The following POR variants were observed in gnomAD, a reference collection of about 807,000 sequenced individuals.
The protein encoded by POR is NADPH--cytochrome P450 reductase.
Under a neutral mutation model 84.0 loss-of-function variants are expected in POR, and 56 were observed. The ratio of observed to expected loss-of-function variants is 0.67; its 90% CI spans 0.54 to 0.83. The LOEUF (loss-of-function observed/expected upper bound fraction) is 0.83, where lower values mean the gene tolerates loss of function less well. POR is among the 40% of genes least tolerant of loss of function. The pLI, the probability that POR is intolerant of heterozygous loss-of-function variation, is 0.00. For missense variants in POR, 938 were observed against 944.3 expected (o/e 0.99, Z 0.09); for synonymous variants, 414 against 400.5 (o/e 1.03, Z -0.40).
chr7:75,964,382 A>ACTGCCACCTCCGCCTCC (rs1360292657), intron 2 of POR, among the ~76,000 whole-genome samples: 1 of 151,880 alleles, frequency 6.6e-6, no homozygotes, highest in Non-Finnish European at 1.5e-5. Flanking sequence ...ATCTCGGCTC[A>ACTGCCACCTCCGCCTCC]CTGCCACCTC....
At chr7:75,967,590 C>A (rs1554555455) in intron 2 of POR, among the ~76,000 whole-genome samples, 1 of 151,776 alleles carries the variant, frequency 6.6e-6, no homozygotes, top group African/African-American at 2.4e-5. Context: ...GCCATAGCAA[C>A]CTGCAGGCTG....
At chr7:75,930,484 A>G (rs1447513222) in intron 1 of POR, among the ~76,000 whole-genome samples, 1 of 152,090 alleles carries the variant, frequency 6.6e-6, no homozygotes, top group Non-Finnish European at 1.5e-5. Flanking sequence ...CCTGTCTAAA[A>G]ATAAATAAAA....
rs182569018 is a variant in POR at position 75,933,273 on chromosome 7, A to G, written c.-5+18094A>G. ...TTAATTAACATATGCATTACCTCAC[A>G]CCTTTTTTTGTGGTGAGAACACTTA... On this transcript the variant is annotated intron_variant, in intron 1 of 15. Transcript: ENST00000461988. Among the ~76,000 whole-genome samples, 4 of 151,162 alleles carry G rather than the reference A, an allele frequency of 2.6e-5. No individual in the cohort carries two copies. In the Admixed American group the frequency reaches 2.7e-4, roughly 10 times the overall value.
At chr7:75,984,667 G>T in intron 10 of POR, 110 bp from the exon 11 acceptor site, 1 of 945,928 alleles carries the variant, frequency 1.1e-6, no homozygotes, top group South Asian at 1.4e-5. Flanking sequence ...GCACCAGCTG[G>T]GGCACCTGTT....
intron 2 of POR, among the ~76,000 whole-genome samples, chr7:75,963,212 C>T (rs1470586282): frequency 2.0e-5 from 3 of 152,116 alleles, no homozygotes; most frequent in African/African-American, 7.2e-5. Flanking sequence ...CTCCATCGAG[C>T]ATGAAAAGAG....
intron 1 of POR, among the ~76,000 whole-genome samples, chr7:75,920,809 C>T (rs1439390331): frequency 2.0e-5 from 3 of 152,056 alleles, no homozygotes; most frequent in African/African-American, 7.2e-5. Flanking sequence ...CATAGGTCAC[C>T]TGGGTTGAGT....
At chr7:75,936,086 C>CTTTTTTTTTTTT (rs869164954) in intron 1 of POR, among the ~76,000 whole-genome samples, 5 of 99,788 alleles carry the variant, frequency 5.0e-5, no homozygotes, top group Non-Finnish European at 7.8e-5. Flanking sequence ...TTCTTTCTTT[C>CTTTTTTTTTTTT]TTTTTTTTTT....
At chr7:75,938,933 C>T (rs2116326288) in intron 1 of POR, among the ~76,000 whole-genome samples, 1 of 152,328 alleles carries the variant, frequency 6.6e-6, no homozygotes, top group East Asian at 1.9e-4. Flanking sequence ...GGACCCTGAT[C>T]ATTCTTCACA....
chr7:75,949,305 G>T (rs1048552946), intron 1 of POR, among the ~76,000 whole-genome samples: 5 of 152,050 alleles, frequency 3.3e-5, no homozygotes, highest in Admixed American at 2.6e-4. Flanking sequence ...ACAGGCACGC[G>T]TCACCATGCC....
At chr7:75,980,203 C>G in intron 4 of POR, 136 bp from the exon 5 acceptor site, 1 of 1,074,786 alleles carries the variant, frequency 9.3e-7, no homozygotes, top group Non-Finnish European at 1.3e-6. Flanking sequence ...TGTTACTTCT[C>G]TCTGATCCCA....
At chr7:75,957,213 T>C (rs1787726917) in intron 2 of POR, among the ~76,000 whole-genome samples, 1 of 152,048 alleles carries the variant, frequency 6.6e-6, no homozygotes, top group Non-Finnish European at 1.5e-5. Flanking sequence ...GAGAAGGAAT[T>C]GGTGTGGGGA....
At chr7:75,933,383 T>TG (rs1807514419) in intron 1 of POR, among the ~76,000 whole-genome samples, 7 of 87,580 alleles carry the variant, frequency 8.0e-5, no homozygotes, top group East Asian at 3.7e-4. Flanking sequence ...TTTGTTTTTT[T>TG]TTTTTTTTTT....
At chr7:75,967,998 T>G in intron 2 of POR, 1 of 453,600 alleles carries the variant, frequency 2.2e-6, no homozygotes, top group South Asian at 1.6e-5. Flanking sequence ...GGCCGAACTT[T>G]CCATCTGCTG....
At chr7:75,926,030 C>CTTT (rs869058308) in intron 1 of POR, among the ~76,000 whole-genome samples, 8 of 114,834 alleles carry the variant, frequency 7.0e-5, no homozygotes, top group Non-Finnish European at 8.4e-5. Context: ...TTTTCTCTCT[C>CTTT]TTTTTTTTTT....
intron 3 of POR, among the ~76,000 whole-genome samples, chr7:75,978,740 T>C (rs1585126321): frequency 6.6e-6 from 1 of 151,920 alleles, no homozygotes; most frequent in East Asian, 1.9e-4. Context: ...GTCAGGCTGG[T>C]CTTGAACTCT....
At chr7:75,935,619 T>TTGTGTGTGTGTGTGTG (rs57899780) in intron 1 of POR, among the ~76,000 whole-genome samples, 2 of 131,286 alleles carry the variant, frequency 1.5e-5, no homozygotes, top group Non-Finnish European at 3.3e-5. Context: ...TGCTCGGGGC[T>TTGTGTGTGTGTGTGTG]TGTGTGTGTG....
Position 75,985,739 on chromosome 7 carries a change from A to G in POR, c.1559A>G (p.Gln520Arg). The change falls in exon 13 of 16, where the codon CAG becomes CGG. Residue 520 changes from glutamine (Q) to arginine (R), a missense_variant. By Grantham distance (43) the Gln-to-Arg change is conservative. Transcript: ENST00000461988. Reference sequence around the variant, plus strand: ...GTGCCCATGTTCGTGCGCAAGTCCCAGTTCCGCCTGCCCTTCAAGGCCACC... The same window carrying G: ...GTGCCCATGTTCGTGCGCAAGTCCCGGTTCCGCCTGCCCTTCAAGGCCACC... 2 of 1,586,814 alleles carry G rather than the reference A, an allele frequency of 1.3e-6. No individual in the cohort carries two copies. Among genetic ancestry groups the G allele is most frequent in the Non-Finnish European group, 1.7e-6 (2 of 1,168,242 alleles).
At chr7:75,927,730 G>A (rs1394584283) in intron 1 of POR, among the ~76,000 whole-genome samples, 1 of 150,390 alleles carries the variant, frequency 6.6e-6, no homozygotes, top group African/African-American at 2.5e-5. Context: ...GAGTGCAGTG[G>A]CCCAATCTCA....
intron 2 of POR, among the ~76,000 whole-genome samples, chr7:75,956,221 C>T (rs1554553720): frequency 6.6e-6 from 1 of 152,164 alleles, no homozygotes; most frequent in Non-Finnish European, 1.5e-5. Flanking sequence ...ATCGCTTGAA[C>T]CCAGGAGGCA....
Sources: gnomAD v4.1 joint callset for allele counts (sites outside exome capture counted in the v4.1 genomes callset) on GRCh38, gnomAD v4.1.1 for gene constraint, MANE v1.5 for transcripts, NCBI Gene and HGNC (gene_info 2026-07-23, HGNC 2026-07-21) for gene names.